The following PARN variants were observed in gnomAD, a reference collection of about 807,000 sequenced individuals.
PARN encodes poly(A)-specific ribonuclease.
A neutral mutation model predicts 102.8 loss-of-function variants in PARN; 71 were observed. The ratio of observed to expected loss-of-function variants is 0.69; its 90% CI spans 0.57 to 0.84. The LOEUF is 0.84. PARN is among the 40% of genes least tolerant of loss of function. The pLI, the probability that PARN is intolerant of heterozygous loss-of-function variation, is 0.00. For missense variants in PARN, 782 were observed against 760.9 expected (o/e 1.03, Z -0.33); for synonymous variants, 261 against 252.9 (o/e 1.03, Z -0.30).
At chr16:14,444,660 AC>A (rs1194740370) in intron 23 of PARN, among the ~76,000 whole-genome samples, 1 of 151,912 alleles carries the variant, frequency 6.6e-6, no homozygotes, top group Non-Finnish European at 1.5e-5. Flanking sequence ...AAGTGGGGAA[AC>A]CCCCCTGCCC....
At chr16:14,454,515 T>C (rs988883607) in intron 22 of PARN, among the ~76,000 whole-genome samples, 2 of 152,206 alleles carry the variant, frequency 1.3e-5, no homozygotes, top group Non-Finnish European at 2.9e-5. Flanking sequence ...TCCTTTCATT[T>C]TTTTCTTCTA....
intron 21 of PARN, among the ~76,000 whole-genome samples, chr16:14,487,902 A>G (rs1047606403): frequency 1.3e-5 from 2 of 152,234 alleles, no homozygotes; most frequent in Non-Finnish European, 2.9e-5. Context: ...ATTAAACCTC[A>G]GTTATTCTGG....
intron 21 of PARN, among the ~76,000 whole-genome samples, chr16:14,526,611 A>T (rs530425590): frequency 2.6e-5 from 4 of 152,206 alleles, no homozygotes; most frequent in Non-Finnish European, 5.9e-5. Flanking sequence ...AAACCTCATC[A>T]CACAAAGGAA....
At chr16:14,594,106 A>AT (rs1970365171) in intron 12 of PARN, among the ~76,000 whole-genome samples, 1 of 152,224 alleles carries the variant, frequency 6.6e-6, no homozygotes, top group African/African-American at 2.4e-5. Flanking sequence ...CAACCCACTT[A>AT]TTTTAAAAGA....
chr16:14,553,412 C>CTAGA (rs1702588685), intron 20 of PARN, among the ~76,000 whole-genome samples: 1 of 152,140 alleles, frequency 6.6e-6, no homozygotes, highest in South Asian at 2.1e-4. Context: ...TGGCTACATA[C>CTAGA]TAGAAGATAC....
chr16:14,530,067 G>A (rs1966238280), intron 21 of PARN, among the ~76,000 whole-genome samples: 1 of 152,178 alleles, frequency 6.6e-6, no homozygotes, highest in Non-Finnish European at 1.5e-5. Flanking sequence ...TTGGGTGTCA[G>A]ACTCTTCCTG....
intron 21 of PARN, among the ~76,000 whole-genome samples, chr16:14,500,057 T>C (rs766450404): frequency 2.1e-4 from 32 of 152,174 alleles, no homozygotes; most frequent in Non-Finnish European, 3.8e-4. Flanking sequence ...AGAATGCTTT[T>C]TTTCATTCTT....
chr16:14,470,628 T>C (rs921929459), intron 22 of PARN, among the ~76,000 whole-genome samples: 2 of 149,258 alleles, frequency 1.3e-5, no homozygotes, highest in African/African-American at 5.0e-5. Context: ...CCGGCTAACT[T>C]TTGTAATTTT....
chr16:14,493,818 A>G (rs1964176859), intron 21 of PARN, among the ~76,000 whole-genome samples: 2 of 152,230 alleles, frequency 1.3e-5, no homozygotes, highest in Admixed American at 1.3e-4. Flanking sequence ...GAATGATGTC[A>G]CTAAGGAACC....
In PARN at chr16:14,451,886, AAAAAAAT is replaced by A. The variant is rs550497969; in HGVS notation, c.1671-4812_1671-4806del. Among the ~76,000 whole-genome samples, 519 of 138,770 alleles carry A rather than the reference AAAAAAAT, an allele frequency of 3.7e-3. 12 individuals carry two copies. The East Asian group carries it at 0.12, about 31-fold the overall frequency. The allele number at this position is 138,770 out of a possible 152,430, so 91.0% of individuals were successfully genotyped here. A position where few individuals can be genotyped will look rare whatever the true frequency, so the allele number is the denominator to read the frequency against. ...AAAAAATACAAAAAAAAAAAAAAAA[AAAAAAAT>A]ACAAAAAATTAGCCAGGCACAGTGG... On this transcript the variant is annotated intron_variant, in intron 22 of 23. Coordinates refer to ENST00000437198, the MANE Select transcript of PARN (RefSeq NM_002582.4).
In PARN at chr16:14,488,882, A is replaced by G. The variant is rs116936897; in HGVS notation, c.1481-6055T>C. The stretch of plus-strand genomic sequence containing the variant: ...CAATACAATAGTTTCCAAAAAAAAA[A>G]AACTGTTCATAATAGCTAAAAAGAA... On this transcript the variant is annotated intron_variant, in intron 21 of 23. Coordinates refer to ENST00000437198, the MANE Select transcript of PARN (RefSeq NM_002582.4). Among the ~76,000 whole-genome samples, 1,354 of 152,314 alleles carry G rather than the reference A, an allele frequency of 8.9e-3. 4 individuals are homozygous for G. The highest frequency in any genetic ancestry group is 0.012 in the Non-Finnish European group (825 of 68,030).
At chr16:14,437,627 A>G (rs931041073) in intron 23 of PARN, among the ~76,000 whole-genome samples, 2 of 152,222 alleles carry the variant, frequency 1.3e-5, no homozygotes, top group African/African-American at 2.4e-5. Context: ...TTCATAATGG[A>G]AAGTGTGGCC....
At chr16:14,526,653 T>G (rs1429421228) in intron 21 of PARN, among the ~76,000 whole-genome samples, 1 of 152,168 alleles carries the variant, frequency 6.6e-6, no homozygotes, top group Non-Finnish European at 1.5e-5. Flanking sequence ...ATAAGGAGAT[T>G]CATCTGCAGA....
chr16:14,622,352 G>A (rs1296930872), intron 5 of PARN, among the ~76,000 whole-genome samples: 1 of 152,146 alleles, frequency 6.6e-6, no homozygotes, highest in Admixed American at 6.5e-5. Context: ...AAGATATACT[G>A]AACACAGATG....
intron 22 of PARN, among the ~76,000 whole-genome samples, chr16:14,456,188 C>T (rs1216851706): frequency 4.0e-5 from 6 of 148,416 alleles, no homozygotes; most frequent in African/African-American, 7.5e-5. Flanking sequence ...TTTTTTTAAA[C>T]TGATGGGGTC....
chr16:14,501,457 A>AG (rs1555487871), intron 21 of PARN: 1 of 143,696 alleles, frequency 7.0e-6, no homozygotes. Context: ...AAAAAAAAAA[A>AG]AAACAGAAAG....
chr16:14,628,114 T>G (rs918228250), intron 3 of PARN, 58 bp downstream of exon 3: 2 of 996,496 alleles, frequency 2.0e-6, no homozygotes. Flanking sequence ...ATATTTATCA[T>G]TTAACATAAG....
chr16:14,570,322 A>T (rs1452248302), intron 18 of PARN, among the ~76,000 whole-genome samples: 1 of 2,154 alleles, frequency 4.6e-4, no homozygotes, highest in Non-Finnish European at 1.6e-3. Flanking sequence ...ACTCTGTCTC[A>T]AAAAAAAAAA....
intron 6 of PARN, among the ~76,000 whole-genome samples, chr16:14,612,680 C>T (rs891400667): frequency 1.6e-4 from 25 of 151,816 alleles, no homozygotes; most frequent in African/African-American, 5.6e-4. Flanking sequence ...TCACTGCAAC[C>T]GCCACCTCTC....
Sources: gnomAD v4.1 joint callset for allele counts (sites outside exome capture counted in the v4.1 genomes callset) on GRCh38, gnomAD v4.1.1 for gene constraint, MANE v1.5 for transcripts, NCBI Gene and HGNC (gene_info 2026-07-23, HGNC 2026-07-21) for gene names.